Variants in PTPRK observed in about 807,000 individuals in gnomAD.
The protein encoded by PTPRK is protein tyrosine phosphatase receptor type K, also known as receptor-type tyrosine-protein phosphatase kappa.
Under a neutral mutation model 178.0 loss-of-function variants are expected in PTPRK, and 75 were observed. The observed-to-expected ratio is 0.42, with a 90% CI of 0.35 to 0.51. The LOEUF (loss-of-function observed/expected upper bound fraction) is 0.51. Among genes scored for constraint, PTPRK ranks in the 20% least tolerant of loss-of-function variants. PTPRK has a pLI of 0.02. For missense variants in PTPRK, 1,441 were observed against 1,797.8 expected, an observed-to-expected ratio of 0.80 and a Z score of 3.59; for synonymous variants, 637 against 620.6, an observed-to-expected ratio of 1.03 and a Z score of -0.39.
intron 7 of PTPRK, among the ~76,000 whole-genome samples, chr6:128,157,299 G>A (rs745769764): frequency 8.6e-5 from 13 of 151,714 alleles, no homozygotes; most frequent in Non-Finnish European, 1.6e-4. Context: ...TTCTTAAATG[G>A]GAAAGATACT....
At chr6:128,108,849 A>G (rs956317291) in intron 7 of PTPRK, among the ~76,000 whole-genome samples, 2 of 152,044 alleles carry the variant, frequency 1.3e-5, no homozygotes, top group Non-Finnish European at 2.9e-5. Flanking sequence ...GCTGCCTTCT[A>G]TTTTTGTCCT....
At chr6:128,442,293 C>G (rs1199178427) in intron 1 of PTPRK, among the ~76,000 whole-genome samples, 1 of 152,160 alleles carries the variant, frequency 6.6e-6, no homozygotes, top group East Asian at 1.9e-4. Flanking sequence ...CATTGCCTAC[C>G]TCCTTTTGCA....
intron 7 of PTPRK, among the ~76,000 whole-genome samples, chr6:128,125,853 C>T (rs1164082788): frequency 6.6e-6 from 1 of 151,980 alleles, no homozygotes; most frequent in East Asian, 1.9e-4. Context: ...CATGATCCAC[C>T]CAGTTCGGCC....
intron 13 of PTPRK, among the ~76,000 whole-genome samples, chr6:128,064,412 G>A (rs1468947041): frequency 6.6e-6 from 1 of 152,212 alleles, no homozygotes; most frequent in Non-Finnish European, 1.5e-5. Flanking sequence ...ACAATGGAAA[G>A]TAATAGAGGT....
chr6:128,499,387 C>T (rs535927527), intron 1 of PTPRK, among the ~76,000 whole-genome samples: 1 of 152,360 alleles, frequency 6.6e-6, no homozygotes, highest in African/African-American at 2.4e-5. Flanking sequence ...TAGTAACTTA[C>T]ATATGTGTAG....
intron 2 of PTPRK, among the ~76,000 whole-genome samples, chr6:128,384,461 T>A (rs1279285718): frequency 6.6e-6 from 1 of 152,140 alleles, no homozygotes; most frequent in East Asian, 1.9e-4. Flanking sequence ...GGGTGTCCAA[T>A]CTTTTGGCTT....
rs138958759 is a variant in PTPRK, at chr6:128,293,213, T to C, written c.495+28826A>G. Among the ~76,000 whole-genome samples the C allele has an allele frequency of 5.3e-5, 8 of 152,238 alleles. 1 individual carries two copies. The highest frequency in any genetic ancestry group is 3.4e-3 in the Middle Eastern group (1 of 294). On this transcript the variant is annotated intron_variant, in intron 3 of 29. Transcript: ENST00000368226. ...CTATAACAAAATACCAGAGACTGGG[T>C]AATTTAAAACAAATTTATTTCTCAC...
intron 3 of PTPRK, among the ~76,000 whole-genome samples, chr6:128,299,319 C>T (rs1210315137): frequency 0.028 from 2 of 72 alleles, no homozygotes; most frequent in Admixed American, 0.17. Flanking sequence ...AGATTCAATG[C>T]CATCCCCCAT....
Position 128,112,096 on chromosome 6 carries a change from A to G in PTPRK, c.1163-22104T>C, listed in dbSNP as rs115419765. ...GAATAGCAAACTAAATCTTGATAAG[A>G]CAGAGAGCTGGTTGTGAGGGCTAGT... On this transcript the variant is annotated intron_variant, in intron 7 of 29. Transcript: ENST00000368226. Among the ~76,000 whole-genome samples the G allele has an allele frequency of 6.9e-3, 1,052 of 152,218 alleles. 22 individuals carry two copies. The highest frequency in any genetic ancestry group is 0.024 in the African/African-American group (989 of 41,564).
At chr6:128,257,547 G>A (rs1420931564) in intron 3 of PTPRK, among the ~76,000 whole-genome samples, 1 of 152,074 alleles carries the variant, frequency 6.6e-6, no homozygotes, top group Non-Finnish European at 1.5e-5. Flanking sequence ...CAATAATGTG[G>A]AAAGATTTAG....
intron 3 of PTPRK, among the ~76,000 whole-genome samples, chr6:128,256,283 C>T (rs1817292585): frequency 6.6e-6 from 1 of 152,172 alleles, no homozygotes; most frequent in Non-Finnish European, 1.5e-5. Context: ...ACCTTTGAAA[C>T]ATCCTTCATT....
rs77155666 is a variant in PTPRK, at chr6:128,094,634, G to C, written c.1163-4642C>G. Among the ~76,000 whole-genome samples the C allele has an allele frequency of 6.7e-3, 1,021 of 152,212 alleles. 5 individuals are homozygous for C. The highest frequency in any genetic ancestry group is 0.014 in the South Asian group (69 of 4,820). ...GGCCAAAAAGTATACTAGAAACTAA[G>C]GAGGCAAAGATCAATTTGACAATGT... On this transcript the variant is annotated intron_variant, in intron 7 of 29. Coordinates refer to ENST00000368226, the MANE Select transcript of PTPRK (RefSeq NM_002844.4).
intron 2 of PTPRK, among the ~76,000 whole-genome samples, chr6:128,353,602 C>A (rs1833493505): frequency 6.6e-6 from 1 of 152,156 alleles, no homozygotes; most frequent in Non-Finnish European, 1.5e-5. Context: ...CCAAAAGGTA[C>A]ATAGTACATA....
At chr6:128,062,423 T>A (rs78642349) in intron 13 of PTPRK, 1 of 156,868 alleles carries the variant, frequency 6.4e-6, no homozygotes, top group Non-Finnish European at 1.5e-5. Flanking sequence ...TGTGGAAAAA[T>A]GCTAAAGGTT....
chr6:128,331,160 G>A (rs559245432), intron 2 of PTPRK, among the ~76,000 whole-genome samples: 17 of 152,182 alleles, frequency 1.1e-4, no homozygotes, highest in African/African-American at 3.9e-4. Context: ...CATGTATGTT[G>A]TTCATCCAAA....
chr6:128,363,089 G>A (rs1247031703), intron 2 of PTPRK, among the ~76,000 whole-genome samples: 2 of 152,120 alleles, frequency 1.3e-5, no homozygotes, highest in Non-Finnish European at 1.5e-5. Context: ...GTAGAATGAG[G>A]TAGGAAACCC....
chr6:128,418,839 T>A (rs978424176), intron 1 of PTPRK, among the ~76,000 whole-genome samples: 1 of 152,262 alleles, frequency 6.6e-6, no homozygotes, highest in Middle Eastern at 3.4e-3. Flanking sequence ...CACCTTCTTG[T>A]CTATATCATT....
intron 8 of PTPRK, among the ~76,000 whole-genome samples, chr6:128,084,351 T>A (rs1785371136): frequency 6.6e-6 from 1 of 152,192 alleles, no homozygotes. Flanking sequence ...CTTACTTTTA[T>A]AGCTATATGT....
At chr6:128,328,831 A>G (rs1396297908) in intron 2 of PTPRK, among the ~76,000 whole-genome samples, 1 of 152,212 alleles carries the variant, frequency 6.6e-6, no homozygotes, top group Non-Finnish European at 1.5e-5. Context: ...TTCCCAAAAT[A>G]AACAAAAAAG....
Sources: allele counts gnomAD v4.1 joint callset (sites outside exome capture counted in the v4.1 genomes callset), GRCh38; gene constraint gnomAD v4.1.1; transcripts MANE v1.5; gene names NCBI Gene and HGNC (gene_info 2026-07-23, HGNC 2026-07-21).